Variants in TNPO1 observed in about 807,000 individuals in gnomAD.
TNPO1 encodes transportin-1.
In TNPO1, 8 loss-of-function variants were observed where a neutral mutation model predicts 119.5. The ratio of observed to expected loss-of-function variants is 0.07; its 90% CI spans 0.04 to 0.12. The LOEUF (loss-of-function observed/expected upper bound fraction) is 0.12. Among genes scored for constraint, TNPO1 ranks in the 10% least tolerant of loss-of-function variants. TNPO1 has a pLI of 1.00. For synonymous variants in TNPO1, 362 were observed against 363.0 expected, an observed-to-expected ratio of 1.00 and a Z score of 0.03; for missense variants, 576 against 1,089.8, an observed-to-expected ratio of 0.53 and a Z score of 6.64.
intron 1 of TNPO1, among the ~76,000 whole-genome samples, chr5:72,832,928 C>T (rs1347406619): frequency 6.6e-6 from 1 of 152,098 alleles, no homozygotes; most frequent in Non-Finnish European, 1.5e-5. Context: ...ATTAGACTTC[C>T]TACCTTTCAG....
Position 72,848,422 on chromosome 5 carries a change from A to C in TNPO1, c.53A>C (p.Gln18Pro). 6.2e-7 allele frequency: 1 copy of C among 1,612,588 alleles called. No homozygotes were observed. Among genetic ancestry groups the C allele is most frequent in the Non-Finnish European group, 8.5e-7 (1 of 1,179,182 alleles). Residue 18 changes from glutamine (Q) to proline (P), a missense_variant, in exon 2 of 25, where the codon CAA (glutamine) becomes CCA (proline). Around this residue, in one of 6 missense-constraint regions of TNPO1, gnomAD observed 57 missense variants for 59.5 expected, o/e 0.96. Coordinates refer to ENST00000337273, the MANE Select transcript of TNPO1 (RefSeq NM_002270.4). The stretch of plus-strand genomic sequence containing the variant: ...GAGTATGAGTGGAAACCTGACGAGC[A>C]AGGGCTTCAGCAAATCCTGCAGCTG... Reference protein sequence around the residue: ...KMEYEWKPDEQGLQQILQLLK... With the variant: ...KMEYEWKPDEPGLQQILQLLK...
At chr5:72,904,297 A>G (rs1749983593) in intron 23 of TNPO1, among the ~76,000 whole-genome samples, 1 of 152,198 alleles carries the variant, frequency 6.6e-6, no homozygotes, top group Non-Finnish European at 1.5e-5. Flanking sequence ...TTGCAGTTTG[A>G]AAAAATACGA....
chr5:72,853,023 GCT>G (rs1745702866), intron 3 of TNPO1, among the ~76,000 whole-genome samples: 1 of 152,006 alleles, frequency 6.6e-6, no homozygotes, highest in Non-Finnish European at 1.5e-5. Context: ...TTTTCACTAA[GCT>G]GTCCACTCTC....
At chr5:72,879,109 G>T in intron 9 of TNPO1, 1 of 217,920 alleles carries the variant, frequency 4.6e-6, no homozygotes. Flanking sequence ...TTTAACAAGA[G>T]CTGTGTGTTT....
At chr5:72,834,771 C>T (rs993966232) in intron 1 of TNPO1, among the ~76,000 whole-genome samples, 9 of 152,188 alleles carry the variant, frequency 5.9e-5, no homozygotes, top group African/African-American at 2.2e-4. Context: ...ATTCACTCAC[C>T]GCTTACTCTC....
chr5:72,869,084 CTA>C (rs1747174359), intron 6 of TNPO1, among the ~76,000 whole-genome samples: 1 of 152,046 alleles, frequency 6.6e-6, no homozygotes, highest in Non-Finnish European at 1.5e-5. Context: ...ACAGCTCAAA[CTA>C]TATTAAGATA....
intron 9 of TNPO1, among the ~76,000 whole-genome samples, chr5:72,877,813 C>T (rs909366576): frequency 2.6e-5 from 4 of 151,854 alleles, no homozygotes; most frequent in Non-Finnish European, 4.4e-5. Context: ...TTATATTTTC[C>T]GCATTTTCAC....
chr5:72,885,195 T>C (rs893479717), intron 11 of TNPO1, among the ~76,000 whole-genome samples: 2 of 152,198 alleles, frequency 1.3e-5, no homozygotes, highest in Admixed American at 1.3e-4. Flanking sequence ...CAACCTTGAA[T>C]AGGCAAGAAA....
intron 8 of TNPO1, 78 bp downstream of exon 8, chr5:72,875,815 A>C (rs1747722594): frequency 6.8e-7 from 1 of 1,467,828 alleles, no homozygotes; most frequent in Non-Finnish European, 9.3e-7. Flanking sequence ...AACATACCGG[A>C]TGGGAAGGGG....
chr5:72,883,953 T>C (rs189249966), intron 11 of TNPO1, among the ~76,000 whole-genome samples: 50 of 152,104 alleles, frequency 3.3e-4, no homozygotes, highest in Admixed American at 1.1e-3. Flanking sequence ...TTTTGCCATG[T>C]TGCCCAGGCT....
At chr5:72,895,136 T>G (rs1003499607) in intron 18 of TNPO1, among the ~76,000 whole-genome samples, 11 of 152,202 alleles carry the variant, frequency 7.2e-5, no homozygotes, top group African/African-American at 2.7e-4. Flanking sequence ...AATTGTTTTT[T>G]GTTAAAGAAA....
At chr5:72,869,254 A>C (rs925057092) in intron 6 of TNPO1, among the ~76,000 whole-genome samples, 2 of 152,146 alleles carry the variant, frequency 1.3e-5, no homozygotes, top group Non-Finnish European at 2.9e-5. Context: ...AGAACTTTTA[A>C]AATAATAAAT....
At chr5:72,846,012 T>C (rs1053857475) in intron 1 of TNPO1, among the ~76,000 whole-genome samples, 1 of 152,196 alleles carries the variant, frequency 6.6e-6, no homozygotes, top group African/African-American at 2.4e-5. Context: ...GGAAATTAAA[T>C]TGGCATTGTT....
rs1482768760 is a variant in TNPO1, at chr5:72,877,267, G to A, written c.841G>A (p.Ala281Thr). The A allele has an allele frequency of 1.9e-6, 3 of 1,612,694 alleles. No individual in the cohort carries two copies. The change falls in exon 9 of 25, where the codon GCT (alanine) becomes ACT (threonine). Residue 281 changes from alanine (A) to threonine (T), a missense_variant. By Grantham distance (58) the Ala-to-Thr change is moderately conservative. Transcript: ENST00000337273. ...QRTQDQDENV[A>T]LEACEFWLTL... ...GACTCAAGATCAAGATGAAAATGTG[G>A]CTTTAGAAGCCTGTGAATTTTGGCT... is the stretch of plus-strand genomic sequence containing the variant.
At chr5:72,846,554 T>A (rs1428100733) in intron 1 of TNPO1, among the ~76,000 whole-genome samples, 1 of 152,178 alleles carries the variant, frequency 6.6e-6, no homozygotes, top group Non-Finnish European at 1.5e-5. Context: ...TATACAACCA[T>A]GTTGTTTGAT....
chr5:72,851,268 C>G lies in TNPO1; in HGVS notation c.154C>G (p.Pro52Ala), dbSNP rs925597088. 1.9e-6 allele frequency: 3 copies of G among 1,601,912 alleles called. No individual in the cohort carries two copies. Among genetic ancestry groups the G allele is most frequent in the Non-Finnish European group, 2.6e-6 (3 of 1,171,450 alleles). Residue 52 changes from proline (P) to alanine (A), a missense_variant, in exon 3 of 25, where the codon CCA becomes GCA. Around this residue, in one of 6 missense-constraint regions of TNPO1, gnomAD observed 57 missense variants for 59.5 expected, o/e 0.96. Coordinates refer to ENST00000337273, the MANE Select transcript of TNPO1 (RefSeq NM_002270.4). ...QQKLEQLNQYPDFNNYLIFVL... is the reference protein window; with the variant it reads ...QQKLEQLNQYADFNNYLIFVL... ...GAAACTGGAACAACTTAATCAGTAT[C>G]CAGACTTTAACAACTACTTGATTTT...
chr5:72,877,983 C>G (rs981012307), intron 9 of TNPO1, among the ~76,000 whole-genome samples: 1 of 152,046 alleles, frequency 6.6e-6, no homozygotes, highest in Non-Finnish European at 1.5e-5. Flanking sequence ...ATAGTTAGTG[C>G]TTAAAATTTT....
intron 4 of TNPO1, among the ~76,000 whole-genome samples, chr5:72,861,199 C>T (rs79882455): frequency 0.011 from 1,610 of 152,214 alleles, 60 homozygotes; most frequent in Admixed American, 0.069. Context: ...GTGTGAGCCA[C>T]CGTGCCCAGC....
intron 3 of TNPO1, among the ~76,000 whole-genome samples, chr5:72,855,184 C>T (rs183015716): frequency 7.9e-5 from 12 of 151,752 alleles, no homozygotes; most frequent in Middle Eastern, 3.4e-3. Context: ...TTAGTAGATA[C>T]GGGGTTTCAC....
Sources: allele counts gnomAD v4.1 joint callset (sites outside exome capture counted in the v4.1 genomes callset), GRCh38; gene constraint gnomAD v4.1.1; regional missense constraint gnomAD v4.1.1; transcripts MANE v1.5; gene names NCBI Gene and HGNC (gene_info 2026-07-23, HGNC 2026-07-21).